ASH2L: variants seen among roughly 807,000 people sequenced by gnomAD.
ASH2L encodes ASH2 like, histone lysine methyltransferase complex subunit.
Under a neutral mutation model 81.1 loss-of-function variants are expected in ASH2L, and 30 were observed. The ratio of observed to expected loss-of-function variants is 0.37; its 90% CI spans 0.28 to 0.50. The LOEUF (loss-of-function observed/expected upper bound fraction) is 0.50. Ranked by LOEUF, ASH2L falls within the 20% of genes least tolerant of loss-of-function variation. ASH2L has a pLI of 0.95. For missense variants in ASH2L, 559 were observed against 792.1 expected (o/e 0.71, Z 3.53); for synonymous variants, 273 against 279.9 (o/e 0.98, Z 0.24).
intron 8 of ASH2L, among the ~76,000 whole-genome samples, chr8:38,117,219 T>C (rs1229360099): frequency 1.3e-5 from 2 of 152,216 alleles, no homozygotes; most frequent in Non-Finnish European, 2.9e-5. Context: ...TCGTTACTAA[T>C]GGTTATTTAA....
At chr8:38,106,575 T>G (rs1810444145) in intron 2 of ASH2L, 131 bp downstream of exon 2, 1 of 716,848 alleles carries the variant, frequency 1.4e-6, no homozygotes, top group East Asian at 2.8e-5. Context: ...TGGCGCGATC[T>G]CGGCTCACTG....
chr8:38,136,134 C>T (rs1296755828), intron 14 of ASH2L, among the ~76,000 whole-genome samples: 1 of 107,670 alleles, frequency 9.3e-6, no homozygotes, highest in African/African-American at 3.7e-5. Flanking sequence ...TTTTTTGAGA[C>T]AGTGTCTCAC....
chr8:38,135,784 TCCC>T lies in ASH2L; in HGVS notation c.1719+19_1719+21del. 1 of 1,563,788 alleles carries T rather than the reference TCCC, an allele frequency of 6.4e-7. No homozygotes were observed. The highest frequency in any genetic ancestry group is 8.7e-7 in the Non-Finnish European group (1 of 1,150,684). ...GCTGCACGGTACGTACATGTTTCCA[TCCC>T]ATGAGCAAAACTTGAGGGAAGCAGA... On this transcript the variant is annotated intron_variant, in intron 14 of 15. Transcript: ENST00000343823.
chr8:38,119,063 T>A, intron 8 of ASH2L: 1 of 481,680 alleles, frequency 2.1e-6, no homozygotes, highest in South Asian at 2.6e-5. Flanking sequence ...TTCATTTGAG[T>A]TTATTGCCAG....
intron 12 of ASH2L, among the ~76,000 whole-genome samples, chr8:38,130,876 G>A (rs527795377): frequency 4.6e-5 from 7 of 152,268 alleles, no homozygotes; most frequent in African/African-American, 7.2e-5. Flanking sequence ...CACTGTGCCC[G>A]ACCAGATTTT....
intron 12 of ASH2L, among the ~76,000 whole-genome samples, chr8:38,131,380 C>A (rs968755758): frequency 6.6e-6 from 1 of 151,536 alleles, no homozygotes; most frequent in Admixed American, 6.6e-5. Flanking sequence ...ATTTTTTGAC[C>A]AGACACTGTG....
At chr8:38,112,644 T>C (rs758398049) in intron 5 of ASH2L, among the ~76,000 whole-genome samples, 10 of 152,162 alleles carry the variant, frequency 6.6e-5, no homozygotes, top group Non-Finnish European at 8.8e-5. Flanking sequence ...ATATAAGATA[T>C]TGCTTTGTTT....
Position 38,139,737 on chromosome 8 carries a change from T to G in ASH2L, c.*666T>G, listed in dbSNP as rs761962493. 8 of 152,096 alleles carry G rather than the reference T, an allele frequency of 5.3e-5. No individual in the cohort carries two copies. Among genetic ancestry groups the G allele is most frequent in the Non-Finnish European group, 7.4e-5 (5 of 68,002 alleles). The allele number at this position is 152,096 out of a possible 1,614,324, so 9.4% of individuals were successfully genotyped here. A position where few individuals can be genotyped will look rare whatever the true frequency, so the allele number is the denominator to read the frequency against. ...TTTGCTTCCCTTCAGATTGGGTGCC[T>G]CTTGGTGACAGTGTTCAGAAATGTA... On this transcript the variant is annotated 3_prime_UTR_variant, in exon 16 of 16. Transcript: ENST00000343823.
At chr8:38,131,622 G>A (rs1336651513) in intron 12 of ASH2L, among the ~76,000 whole-genome samples, 2 of 152,034 alleles carry the variant, frequency 1.3e-5, no homozygotes, top group African/African-American at 4.8e-5. Context: ...CTCCAGACTG[G>A]GCGACAGAGA....
At chr8:38,135,072 G>A (rs1802201359) in intron 13 of ASH2L, among the ~76,000 whole-genome samples, 1 of 151,890 alleles carries the variant, frequency 6.6e-6, no homozygotes, top group Non-Finnish European at 1.5e-5. Context: ...AAAAAATTTT[G>A]TAGAGATGAG....
At chr8:38,122,945 T>A (rs1416142568) in intron 10 of ASH2L, among the ~76,000 whole-genome samples, 1 of 151,692 alleles carries the variant, frequency 6.6e-6, no homozygotes, top group Non-Finnish European at 1.5e-5. Context: ...GGTGGGGTCT[T>A]ACTATGTTGC....
intron 5 of ASH2L, 88 bp downstream of exon 5, chr8:38,110,921 G>T: frequency 9.5e-7 from 1 of 1,053,758 alleles, no homozygotes; most frequent in Non-Finnish European, 1.4e-6. Context: ...TTTCTTCCCA[G>T]TTTTTATTGA....
intron 10 of ASH2L, among the ~76,000 whole-genome samples, chr8:38,126,252 T>G (rs900060927): frequency 4.0e-5 from 6 of 151,452 alleles, no homozygotes; most frequent in Non-Finnish European, 7.4e-5. Flanking sequence ...CTGAGGGACA[T>G]TCTACAAACT....
At chr8:38,137,525 T>A (rs1802312930) in intron 14 of ASH2L, 1 of 152,190 alleles carries the variant, frequency 6.6e-6, no homozygotes, top group Admixed American at 6.6e-5. Context: ...ATTGTGCCAC[T>A]GCACTCCAAC....
chr8:38,114,995 G>T lies in ASH2L; in HGVS notation c.772G>T (p.Asp258Tyr). 6.3e-7 allele frequency: 1 copy of T among 1,593,204 alleles called. No individual in the cohort carries two copies. The highest frequency in any genetic ancestry group is 1.3e-5 in the African/African-American group (1 of 74,562). Residue 258 changes from aspartate to tyrosine, a missense_variant, in exon 7 of 16, where the codon GAT (aspartate) becomes TAT (tyrosine). Physicochemically the swap from Asp to Tyr is radical, Grantham distance 160 (BLOSUM62 -3). Transcript: ENST00000343823. ...AGATTACCCCAAATTTGGACTTTTG[G>T]ATCAGGTACATTAATATGTTTTACA... ...EEDYPKFGLL[D>Y]QDLSNIGPAY...
At chr8:38,125,369 C>G (rs1274023584) in intron 10 of ASH2L, among the ~76,000 whole-genome samples, 6 of 152,216 alleles carry the variant, frequency 3.9e-5, no homozygotes, top group Admixed American at 3.3e-4. Flanking sequence ...GCCTGTAATC[C>G]CAGCACTTTG....
Position 38,131,826 on chromosome 8 carries a change from C to CT in ASH2L, c.1528-1615dup, listed in dbSNP as rs1371938957. ...GTTACCATTTGTATGGCTTTTTGGG[C>CT]TTTTTTTTTTTTTGTATGTTTATCT... On this transcript the variant is annotated intron_variant, in intron 12 of 15. Coordinates refer to ENST00000343823, the MANE Select transcript of ASH2L (RefSeq NM_004674.5). Among the ~76,000 whole-genome samples, 443 of 139,712 alleles carry CT rather than the reference C, an allele frequency of 3.2e-3. 5 individuals are homozygous for CT. The highest frequency in any genetic ancestry group is 0.018 in the Admixed American group (252 of 13,954). 91.7% of individuals were successfully genotyped at this position (139,712 alleles called of 152,430 possible).
chr8:38,105,657 C>A lies in ASH2L; in HGVS notation c.107C>A (p.Ala36Glu). The change falls in exon 1 of 16, where the codon GCA becomes GAA. Residue 36 changes from alanine (A) to glutamate (E), a missense_variant. Coordinates refer to ENST00000343823, the MANE Select transcript of ASH2L (RefSeq NM_004674.5). ...GAEEGEMKPV[A>E]AGAAAPPGEG... is the part of the protein sequence containing the mutation. ...GAAGAGGGGGAGATGAAGCCGGTGG[C>A]AGCGGGAGCAGCCGCTCCTCCTGGA... 2 of 1,592,710 alleles carry A rather than the reference C, an allele frequency of 1.3e-6. No homozygotes were observed. Among genetic ancestry groups the A allele is most frequent in the South Asian group, 1.1e-5 (1 of 88,772 alleles).
intron 2 of ASH2L, 140 bp downstream of exon 2, chr8:38,106,584 T>A: frequency 1.5e-6 from 1 of 664,538 alleles, no homozygotes; most frequent in South Asian, 1.9e-5. Context: ...CTCGGCTCAC[T>A]GCAACCTCCT....
Sources: gnomAD v4.1 joint callset for allele counts (sites outside exome capture counted in the v4.1 genomes callset) on GRCh38, gnomAD v4.1.1 for gene constraint, MANE v1.5 for transcripts, NCBI Gene and HGNC (gene_info 2026-07-23, HGNC 2026-07-21) for gene names.